NTM: variants seen among roughly 807,000 people sequenced by gnomAD.
NTM encodes neurotrimin, also known as IgLON family member 2.
NTM carries 13 observed loss-of-function variants against 42.1 expected under a neutral mutation model. The observed-to-expected ratio is 0.31, with a 90% CI of 0.20 to 0.49. NTM has a LOEUF of 0.49. NTM is among the 20% of genes least tolerant of loss of function. The probability of loss-of-function intolerance (pLI) is 0.99; values close to 1 mark genes in which losing one functional copy is unlikely to be tolerated. For missense variants in NTM, 373 were observed against 452.8 expected (o/e 0.82, Z 1.60); for synonymous variants, 187 against 179.2 (o/e 1.04, Z -0.35).
In NTM at chr11:132,167,128, C is replaced by T. The variant is rs565744915; in HGVS notation, c.400+20614C>T. On this transcript the variant is annotated intron_variant, in intron 3 of 8. Coordinates refer to ENST00000683400, the MANE Select transcript of NTM (RefSeq NM_001352005.2). Reference sequence around the variant, plus strand: ...ATTCATTCAATAAAAATGAGCTTAGCGCTTGCTGTATGCCAGTTATATGAC... The same window carrying T: ...ATTCATTCAATAAAAATGAGCTTAGTGCTTGCTGTATGCCAGTTATATGAC... Among the ~76,000 whole-genome samples, 70 of 152,298 alleles carry T rather than the reference C, an allele frequency of 4.6e-4. 1 individual carries two copies. Among genetic ancestry groups the T allele is most frequent in the Admixed American group, 1.8e-3 (28 of 15,298 alleles).
chr11:131,615,102 C>T (rs941787303), intron 1 of NTM, among the ~76,000 whole-genome samples: 33 of 152,186 alleles, frequency 2.2e-4, no homozygotes, highest in Non-Finnish European at 3.1e-4. Flanking sequence ...AAGCAATATT[C>T]TATCTTAATC....
At chr11:131,399,632 G>A (rs1944913106) in intron 1 of NTM, among the ~76,000 whole-genome samples, 1 of 152,144 alleles carries the variant, frequency 6.6e-6, no homozygotes, top group Non-Finnish European at 1.5e-5. Context: ...AGCACACAGA[G>A]CCCCTCACTC....
At chr11:131,410,530 A>AC (rs1441436678) in intron 1 of NTM, among the ~76,000 whole-genome samples, 3 of 148,708 alleles carry the variant, frequency 2.0e-5, no homozygotes, top group African/African-American at 4.9e-5. Context: ...AAAAAAAAAA[A>AC]AAAAAAAAAA....
chr11:132,279,270 G>A (rs1412045458), intron 4 of NTM, among the ~76,000 whole-genome samples: 2 of 152,044 alleles, frequency 1.3e-5, no homozygotes, highest in Non-Finnish European at 2.9e-5. Context: ...CCTACCTGAG[G>A]CACATATTAT....
chr11:132,014,376 T>C (rs1219201676), intron 2 of NTM, among the ~76,000 whole-genome samples: 2 of 152,110 alleles, frequency 1.3e-5, no homozygotes, highest in Non-Finnish European at 2.9e-5. Flanking sequence ...ATCCCTTTGA[T>C]AAACTGGCTT....
chr11:132,277,230 G>A (rs2139781355), intron 4 of NTM, among the ~76,000 whole-genome samples: 1 of 152,130 alleles, frequency 6.6e-6, no homozygotes, highest in African/African-American at 2.4e-5. Flanking sequence ...TCTTATATAA[G>A]GTGGAAAACA....
In NTM at chr11:132,176,182, G is replaced by A. The variant is rs1395459038; in HGVS notation, c.400+29668G>A. ...CAGTGTTGTGTGCGAGGGACACGCTGATTCATCTGTCCTTTGGAAATACAC... is the reference window on the plus strand; with the variant it reads ...CAGTGTTGTGTGCGAGGGACACGCTAATTCATCTGTCCTTTGGAAATACAC... On this transcript the variant is annotated intron_variant, in intron 3 of 8. Coordinates refer to ENST00000683400, the MANE Select transcript of NTM (RefSeq NM_001352005.2). Among the ~76,000 whole-genome samples the A allele has an allele frequency of 2.0e-5, 3 of 152,142 alleles. No individual in the cohort carries two copies. In the East Asian group the frequency reaches 5.8e-4, roughly 29 times the overall value.
chr11:131,392,361 C>A (rs1944114755), intron 1 of NTM, among the ~76,000 whole-genome samples: 1 of 151,222 alleles, frequency 6.6e-6, no homozygotes, highest in African/African-American at 2.4e-5. Flanking sequence ...TGTGTGCAAC[C>A]ACAGAGCCCC....
chr11:132,069,052 A>T (rs1396081766), intron 2 of NTM, among the ~76,000 whole-genome samples: 3 of 152,122 alleles, frequency 2.0e-5, no homozygotes, highest in Non-Finnish European at 2.9e-5. Flanking sequence ...TGTCAAACTG[A>T]CCATCACAGG....
chr11:132,108,633 C>T (rs1055901087), intron 2 of NTM, among the ~76,000 whole-genome samples: 3 of 151,860 alleles, frequency 2.0e-5, no homozygotes, highest in Non-Finnish European at 4.4e-5. Context: ...CACTAAAGAA[C>T]GTATCCATGA....
chr11:131,386,951 G>T (rs922182163), intron 1 of NTM, among the ~76,000 whole-genome samples: 8 of 152,092 alleles, frequency 5.3e-5, no homozygotes, highest in Non-Finnish European at 7.4e-5. Context: ...GCCTTTTTAA[G>T]GAATTAAAAA....
intron 1 of NTM, among the ~76,000 whole-genome samples, chr11:131,564,768 T>C (rs1268789713): frequency 6.6e-6 from 1 of 152,200 alleles, no homozygotes; most frequent in Non-Finnish European, 1.5e-5. Flanking sequence ...TTAATATTCA[T>C]TTTCCTCTTT....
intron 1 of NTM, among the ~76,000 whole-genome samples, chr11:131,504,911 C>CACAATATGTTGATTCTTTTCAGAATCA (rs2047299100): frequency 1.3e-5 from 2 of 152,114 alleles, no homozygotes; most frequent in African/African-American, 2.4e-5. Context: ...TCTCAGAATC[C>CACAATATGTTGATTCTTTTCAGAATCA]ACAATATGTT....
chr11:131,951,377 G>T (rs1200485563), intron 2 of NTM, among the ~76,000 whole-genome samples: 1 of 152,074 alleles, frequency 6.6e-6, no homozygotes, highest in Non-Finnish European at 1.5e-5. Context: ...AATAAGTAAA[G>T]GCCTATGAAA....
Position 131,919,450 on chromosome 11 carries a change from C to T in NTM, c.167+7802C>T, listed in dbSNP as rs79305700. Among the ~76,000 whole-genome samples, 1,203 of 152,148 alleles carry T rather than the reference C, an allele frequency of 7.9e-3. 6 individuals carry two copies. The highest frequency in any genetic ancestry group is 0.02 in the Middle Eastern group (6 of 294). Reference sequence around the variant, plus strand: ...GTGAGCTGAAGGGAGAAGGAAGCAACGGGGAAGTTTACTAGGAGTACAATC... The same window carrying T: ...GTGAGCTGAAGGGAGAAGGAAGCAATGGGGAAGTTTACTAGGAGTACAATC... On this transcript the variant is annotated intron_variant, in intron 2 of 8. Transcript: ENST00000683400.
chr11:131,720,082 G>T (rs2078158280), intron 1 of NTM, among the ~76,000 whole-genome samples: 2 of 152,190 alleles, frequency 1.3e-5, no homozygotes, highest in South Asian at 2.1e-4. Context: ...CAAAAAAGGA[G>T]ATGGTCAAAA....
intron 2 of NTM, among the ~76,000 whole-genome samples, chr11:132,108,162 G>A (rs1566180503): frequency 2.0e-5 from 3 of 151,782 alleles, no homozygotes; most frequent in Admixed American, 2.0e-4. Context: ...GTTTCTAATC[G>A]ATTCACACAT....
At chr11:132,081,722 T>TAA (rs543753433) in intron 2 of NTM, among the ~76,000 whole-genome samples, 1 of 128,000 alleles carries the variant, frequency 7.8e-6, no homozygotes, top group Non-Finnish European at 1.7e-5. Flanking sequence ...AGACTCCATC[T>TAA]AAAAAAAAAA....
intron 1 of NTM, among the ~76,000 whole-genome samples, chr11:131,583,355 G>C (rs1219136455): frequency 6.6e-6 from 1 of 152,120 alleles, no homozygotes; most frequent in Non-Finnish European, 1.5e-5. Flanking sequence ...TTTAGCTCTT[G>C]TGGCAAATAG....
Sources: gnomAD v4.1 joint callset for allele counts (sites outside exome capture counted in the v4.1 genomes callset) on GRCh38, gnomAD v4.1.1 for gene constraint, MANE v1.5 for transcripts, NCBI Gene and HGNC (gene_info 2026-07-23, HGNC 2026-07-21) for gene names.